The following KIRREL3 variants were observed in gnomAD, a reference collection of about 807,000 sequenced individuals.
KIRREL3 encodes kin of IRRE-like protein 3.
Under a neutral mutation model 89.7 loss-of-function variants are expected in KIRREL3, and 36 were observed. The observed-to-expected ratio is 0.40, with a 90% CI of 0.31 to 0.53. The LOEUF is 0.53. KIRREL3 is among the 20% of genes least tolerant of loss of function. The pLI is 0.49. For synonymous variants in KIRREL3, 445 were observed against 441.4 expected (o/e 1.01, Z -0.10); for missense variants, 864 against 1,056.6 (o/e 0.82, Z 2.53).
chr11:126,895,944 T>C (rs1744889481), intron 1 of KIRREL3, among the ~76,000 whole-genome samples: 1 of 152,200 alleles, frequency 6.6e-6, no homozygotes, highest in African/African-American at 2.4e-5. Flanking sequence ...TGCAGCGGTG[T>C]TGTCACTAGA....
intron 1 of KIRREL3, among the ~76,000 whole-genome samples, chr11:126,728,275 T>C (rs2134187082): frequency 6.6e-6 from 1 of 152,132 alleles, no homozygotes; most frequent in South Asian, 2.1e-4. Context: ...AGCCTCAGCT[T>C]TCCCATCTGC....
upstream of KIRREL3, chr11:127,002,907 C>G (rs551399931): frequency 2.6e-5 from 4 of 152,156 alleles, no homozygotes; most frequent in South Asian, 2.1e-4. Flanking sequence ...ACTCCACACT[C>G]GCACTGACTC....
At position 126,817,892 on chromosome 11, in the gene KIRREL3, G is replaced by A. The variant is rs546694102; in HGVS notation, c.55+182563C>T. ...TACAACCCACGGGTGGGAAGCTCTA[G>A]ATCTTGGCACCCCGTCCTCTTGGCT... On this transcript the variant is annotated intron_variant, in intron 1 of 16. Coordinates refer to ENST00000525144, the MANE Select transcript of KIRREL3 (RefSeq NM_032531.4). The surrounding 1 kb of genome is among the most constrained non-coding windows in gnomAD (Gnocchi z 5.7). 7.7e-4 allele frequency among the ~76,000 whole-genome samples: 117 copies of A among 152,332 alleles called. No individual in the cohort carries two copies. The highest frequency in any genetic ancestry group is 2.6e-3 in the African/African-American group (109 of 41,578).
chr11:126,778,164 A>C lies in KIRREL3; in HGVS notation c.56-215252T>G, dbSNP rs1950223571. 6.6e-6 allele frequency among the ~76,000 whole-genome samples: 1 copy of C among 152,116 alleles called. No individual in the cohort carries two copies. Among genetic ancestry groups the C allele is most frequent in the Non-Finnish European group, 1.5e-5 (1 of 68,028 alleles). On this transcript the variant is annotated intron_variant, in intron 1 of 16. Coordinates refer to ENST00000525144, the MANE Select transcript of KIRREL3 (RefSeq NM_032531.4). This position sits in a 1 kb window ranked among gnomAD's most constrained non-coding sequence, Gnocchi z 4.5. ...TTTAACATTTCAGTGGATATCCTAC[A>C]CCCTTTCTAGGGTTGTATATTCATG...
intron 1 of KIRREL3, among the ~76,000 whole-genome samples, chr11:126,823,368 C>T (rs1943293076): frequency 6.6e-6 from 1 of 152,150 alleles, no homozygotes; most frequent in Non-Finnish European, 1.5e-5. Flanking sequence ...ATTACAGGCT[C>T]ATATAACCTG....
Position 126,566,032 on chromosome 11 carries a change from T to C in KIRREL3, c.56-3120A>G, listed in dbSNP as rs1406665765. Among the ~76,000 whole-genome samples, 1 of 152,162 alleles carries C rather than the reference T, an allele frequency of 6.6e-6. No homozygotes were observed. Among genetic ancestry groups the C allele is most frequent in the East Asian group, 1.9e-4 (1 of 5,198 alleles). On this transcript the variant is annotated intron_variant, in intron 1 of 16. Coordinates refer to ENST00000525144, the MANE Select transcript of KIRREL3 (RefSeq NM_032531.4). The surrounding 1 kb of genome is among the most constrained non-coding windows in gnomAD (Gnocchi z 4.9). ...GGGAGAGTCAGATCACAGATGCACATTTTGGAACAGTAAGATGATGGGATC... is the reference window on the plus strand; with the variant it reads ...GGGAGAGTCAGATCACAGATGCACACTTTGGAACAGTAAGATGATGGGATC...
chr11:126,768,161 C>CAATCCA lies in KIRREL3; in HGVS notation c.56-205250_56-205249insTGGATT, dbSNP rs1359819044. ...CCATCCATCCATCCATCCATCCATCCATCCATCCAATCCATCCATCCATCC... is the reference window on the plus strand; with the variant it reads ...CCATCCATCCATCCATCCATCCATCCAATCCAATCCATCCAATCCATCCATCCATCC... On this transcript the variant is annotated intron_variant, in intron 1 of 16. Coordinates refer to ENST00000525144, the MANE Select transcript of KIRREL3 (RefSeq NM_032531.4). The surrounding 1 kb of genome is among the most constrained non-coding windows in gnomAD (Gnocchi z 4.5). Among the ~76,000 whole-genome samples the CAATCCA allele has an allele frequency of 7.6e-6, 1 of 131,182 alleles. No individual in the cohort carries two copies. The highest frequency in any genetic ancestry group is 3.2e-5 in the African/African-American group (1 of 31,668). The allele number at this position is 131,182 out of a possible 152,430, so 86.1% of individuals were successfully genotyped here.
At position 126,776,274 on chromosome 11, in the gene KIRREL3, G is replaced by A. The variant is rs1245463909; in HGVS notation, c.56-213362C>T. Among the ~76,000 whole-genome samples the A allele has an allele frequency of 6.6e-6, 1 of 152,170 alleles. No homozygotes were observed. Among genetic ancestry groups the A allele is most frequent in the Non-Finnish European group, 1.5e-5 (1 of 68,028 alleles). On this transcript the variant is annotated intron_variant, in intron 1 of 16. Transcript: ENST00000525144. This position sits in a 1 kb window ranked among gnomAD's most constrained non-coding sequence, Gnocchi z 4.7. Reference sequence around the variant, plus strand: ...TGAACAGGGAGGAGCTGGAGGACTTGGAAGGGAATGTGTGCTTCCGGTGGA... The same window carrying A: ...TGAACAGGGAGGAGCTGGAGGACTTAGAAGGGAATGTGTGCTTCCGGTGGA...
chr11:126,472,661 C>T (rs1225975770), intron 5 of KIRREL3, among the ~76,000 whole-genome samples: 3 of 148,066 alleles, frequency 2.0e-5, no homozygotes, highest in Non-Finnish European at 3.0e-5. Flanking sequence ...TGACCATGGC[C>T]TATTGTTAGG....
chr11:126,915,851 C>T (rs1432971961), intron 1 of KIRREL3, among the ~76,000 whole-genome samples: 1 of 152,096 alleles, frequency 6.6e-6, no homozygotes, highest in Non-Finnish European at 1.5e-5. Context: ...CAGATCTGAA[C>T]CTAGTCTTGA....
At chr11:127,003,170 A>G (rs927829291), upstream of KIRREL3, 12 of 151,784 alleles carry the variant, frequency 7.9e-5, no homozygotes, top group African/African-American at 2.9e-4. Context: ...CTCTAAAAGG[A>G]CCAGGAGGCG....
intron 1 of KIRREL3, among the ~76,000 whole-genome samples, chr11:126,902,303 C>T (rs1442270563): frequency 6.6e-6 from 1 of 152,216 alleles, no homozygotes; most frequent in Non-Finnish European, 1.5e-5. Context: ...GTGGCACACA[C>T]TTTCGTGTCT....
chr11:126,893,662 G>A (rs1201221314), intron 1 of KIRREL3, among the ~76,000 whole-genome samples: 1 of 152,160 alleles, frequency 6.6e-6, no homozygotes, highest in Non-Finnish European at 1.5e-5. Context: ...TAGAAGCTCC[G>A]CATCCACCCT....
chr11:126,935,420 G>A (rs2135079323), intron 1 of KIRREL3: 1 of 152,228 alleles, frequency 6.6e-6, no homozygotes, highest in Non-Finnish European at 1.5e-5. Flanking sequence ...ACAAAAACCT[G>A]CACACAGATG....
At chr11:126,714,884 A>G (rs1161997004) in intron 1 of KIRREL3, among the ~76,000 whole-genome samples, 3 of 152,022 alleles carry the variant, frequency 2.0e-5, no homozygotes, top group Non-Finnish European at 4.4e-5. Flanking sequence ...ACCAAATCCC[A>G]CCATAGAGAA....
At position 126,742,359 on chromosome 11, in the gene KIRREL3, A is replaced by G. The variant is rs1355333235; in HGVS notation, c.56-179447T>C. On this transcript the variant is annotated intron_variant, in intron 1 of 16. Transcript: ENST00000525144. This position sits in a 1 kb window ranked among gnomAD's most constrained non-coding sequence, Gnocchi z 5.3. Reference sequence around the variant, plus strand: ...AAGTGTGGTATTCTTAGGATAGTGTATCCTAACCTGCTTGTGGTTCTAATT... The same window carrying G: ...AAGTGTGGTATTCTTAGGATAGTGTGTCCTAACCTGCTTGTGGTTCTAATT... 1.3e-5 allele frequency among the ~76,000 whole-genome samples: 2 copies of G among 152,178 alleles called. No homozygotes were observed. The highest frequency in any genetic ancestry group is 2.9e-5 in the Non-Finnish European group (2 of 68,018).
intron 1 of KIRREL3, among the ~76,000 whole-genome samples, chr11:126,884,071 G>C (rs1051298408): frequency 1.3e-5 from 2 of 152,160 alleles, no homozygotes; most frequent in Non-Finnish European, 2.9e-5. Flanking sequence ...ATGAGGCATT[G>C]GGCCTACATG....
At chr11:126,698,153 A>C (rs948947356) in intron 1 of KIRREL3, among the ~76,000 whole-genome samples, 1 of 152,130 alleles carries the variant, frequency 6.6e-6, no homozygotes, top group African/African-American at 2.4e-5. Flanking sequence ...CACACTAATA[A>C]TTTCAGCAAA....
Position 126,607,034 on chromosome 11 carries a change from C to T in KIRREL3, c.56-44122G>A, listed in dbSNP as rs1335849855. ...TTAAATTGCATGCCACATGTTTATC[C>T]TTATTAAGCAGTTGTTCTCTTCCAA... On this transcript the variant is annotated intron_variant, in intron 1 of 16. Transcript: ENST00000525144. This position sits in a 1 kb window ranked among gnomAD's most constrained non-coding sequence, Gnocchi z 6.6. Among the ~76,000 whole-genome samples, 1 of 152,132 alleles carries T rather than the reference C, an allele frequency of 6.6e-6. No individual in the cohort carries two copies. Among genetic ancestry groups the T allele is most frequent in the Non-Finnish European group, 1.5e-5 (1 of 68,018 alleles).
Sources: gnomAD v4.1 joint callset for allele counts (sites outside exome capture counted in the v4.1 genomes callset) on GRCh38, gnomAD v4.1.1 for gene constraint, Gnocchi (gnomAD v3.1) non-coding constraint, MANE v1.5 for transcripts, NCBI Gene and HGNC (gene_info 2026-07-23, HGNC 2026-07-21) for gene names.